CAMTA1: variants seen among roughly 807,000 people sequenced by gnomAD.
CAMTA1 encodes calmodulin-binding transcription activator 1.
Under a neutral mutation model 170.9 loss-of-function variants are expected in CAMTA1, and 27 were observed. The ratio of observed to expected loss-of-function variants is 0.16; its 90% CI spans 0.12 to 0.22. The LOEUF (loss-of-function observed/expected upper bound fraction) is 0.22. Ranked by LOEUF, CAMTA1 falls within the 10% of genes least tolerant of loss-of-function variation. The pLI is 1.00. For missense variants in CAMTA1, 1,619 were observed against 2,217.2 expected (o/e 0.73, Z 5.42); for synonymous variants, 833 against 891.5 (o/e 0.93, Z 1.17).
chr1:7,595,044 A>C (rs1330445236), intron 6 of CAMTA1, among the ~76,000 whole-genome samples: 1 of 152,220 alleles, frequency 6.6e-6, no homozygotes, highest in African/African-American at 2.4e-5. Flanking sequence ...CCAACATCTT[A>C]GGTCATGAGA....
chr1:7,387,129 C>T (rs553143873), intron 5 of CAMTA1, among the ~76,000 whole-genome samples: 4 of 152,060 alleles, frequency 2.6e-5, no homozygotes, highest in Non-Finnish European at 5.9e-5. Context: ...TGGCTTCAGT[C>T]TCCCCCCTCC....
intron 6 of CAMTA1, among the ~76,000 whole-genome samples, chr1:7,506,008 A>G (rs1279423527): frequency 6.6e-6 from 1 of 152,166 alleles, no homozygotes; most frequent in Middle Eastern, 3.2e-3. Context: ...AGCCAGTGGA[A>G]GGGGAGGCAG....
intron 5 of CAMTA1, among the ~76,000 whole-genome samples, chr1:7,349,966 G>A (rs1048546042): frequency 1.3e-5 from 2 of 152,176 alleles, no homozygotes; most frequent in East Asian, 1.9e-4. Context: ...CAGAAGGGAA[G>A]AGGGATGGGG....
rs1165621697 is a variant in CAMTA1, at chr1:7,249,548, T to C, written c.360T>C (p.Asp120=). The C allele has an allele frequency of 8.1e-6, 13 of 1,613,922 alleles. No homozygotes were observed. Among genetic ancestry groups the C allele is most frequent in the Non-Finnish European group, 1.0e-5 (12 of 1,179,958 alleles). Residue 120 remains aspartate (D), a synonymous_variant, in exon 5 of 23, where the codon GAT becomes GAC. Coordinates refer to ENST00000303635, the MANE Select transcript of CAMTA1 (RefSeq NM_015215.4). The surrounding 1 kb of genome is among the most constrained non-coding windows in gnomAD (Gnocchi z 4.4). ...GGAAGAAAGTGAAATACAGGAAAGA[T>C]GGGTATTGCTGGAAAAAGAGGAAAG... ...YNRKKVKYRK[D]GYCWKKRKDG...
chr1:7,554,699 G>A (rs78552027), intron 6 of CAMTA1, among the ~76,000 whole-genome samples: 6,376 of 152,078 alleles, frequency 0.042, 156 homozygotes, highest in African/African-American at 0.074. Context: ...TCTCCTTAGC[G>A]TCTGCCTTTG....
At chr1:7,652,367 CAGTTCCTCCCGTGGG>C (rs1012164246) in intron 7 of CAMTA1, among the ~76,000 whole-genome samples, 40 of 152,136 alleles carry the variant, frequency 2.6e-4, no homozygotes, top group African/African-American at 9.7e-4. Context: ...CCCTGCCTCC[CAGTTCCTCCCGTGGG>C]AGGCTCAAGG....
At chr1:6,939,438 A>G (rs1481206272) in intron 3 of CAMTA1, among the ~76,000 whole-genome samples, 1 of 152,240 alleles carries the variant, frequency 6.6e-6, no homozygotes, top group Non-Finnish European at 1.5e-5. Context: ...ATTTTCCAAT[A>G]GAAGGGAATC....
intron 6 of CAMTA1, among the ~76,000 whole-genome samples, chr1:7,488,762 A>G (rs1408611048): frequency 6.6e-6 from 1 of 152,200 alleles, no homozygotes; most frequent in Non-Finnish European, 1.5e-5. Context: ...ATACATGTAC[A>G]TATGCACATG....
chr1:7,348,583 C>T (rs113422204), intron 5 of CAMTA1, among the ~76,000 whole-genome samples: 1 of 152,224 alleles, frequency 6.6e-6, no homozygotes, highest in Non-Finnish European at 1.5e-5. Context: ...GTGGTCCCTG[C>T]AGGAGAACTT....
rs140251568 is a variant in CAMTA1 at position 7,275,865 on chromosome 1, T to C, written c.438+26239T>C. On this transcript the variant is annotated intron_variant, in intron 5 of 22. Transcript: ENST00000303635. ...GCTTACCAAACATTTTCAGAAAATA[T>C]AGGATGATAGAACACTTGTCAGGTC... 5.5e-4 allele frequency among the ~76,000 whole-genome samples: 84 copies of C among 152,196 alleles called. 2 individuals are homozygous for C. The East Asian group carries it at 0.013, about 23-fold the overall frequency.
intron 4 of CAMTA1, among the ~76,000 whole-genome samples, chr1:7,178,000 A>G (rs1281576216): frequency 2.0e-5 from 3 of 151,622 alleles, no homozygotes; most frequent in Non-Finnish European, 4.4e-5. Context: ...GGCTCCTCCT[A>G]CACACTGAGC....
At chr1:7,557,409 G>T (rs1273995005) in intron 6 of CAMTA1, among the ~76,000 whole-genome samples, 1 of 152,130 alleles carries the variant, frequency 6.6e-6, no homozygotes, top group Non-Finnish European at 1.5e-5. Context: ...CCCACCCTGA[G>T]CCTTCACTTC....
At chr1:6,877,770 A>G (rs899215580) in intron 3 of CAMTA1, among the ~76,000 whole-genome samples, 1 of 152,036 alleles carries the variant, frequency 6.6e-6, no homozygotes, top group Non-Finnish European at 1.5e-5. Context: ...CCTTTTGAGT[A>G]CTTTATACCT....
chr1:7,309,021 T>C (rs1460099937), intron 5 of CAMTA1, among the ~76,000 whole-genome samples: 1 of 152,222 alleles, frequency 6.6e-6, no homozygotes, highest in Middle Eastern at 3.2e-3. Context: ...TTTAGGATCA[T>C]TATGTCTCTT....
At position 7,682,776 on chromosome 1, in the gene CAMTA1, C is replaced by T. The variant is rs1029709139; in HGVS notation, c.2914+5043C>T. ...CTGCTGAGTGGGCCTGGGCCGGCCG[C>T]TCCTAGGCTGGCTCCCTCCCTCAGA... On this transcript the variant is annotated intron_variant, in intron 11 of 22. Coordinates refer to ENST00000303635, the MANE Select transcript of CAMTA1 (RefSeq NM_015215.4). This position sits in a 1 kb window ranked among gnomAD's most constrained non-coding sequence, Gnocchi z 5.0. Among the ~76,000 whole-genome samples, 1 of 152,230 alleles carries T rather than the reference C, an allele frequency of 6.6e-6. No individual in the cohort carries two copies. Among genetic ancestry groups the T allele is most frequent in the Non-Finnish European group, 1.5e-5 (1 of 68,036 alleles).
At chr1:7,469,235 C>A (rs1218132737) in intron 6 of CAMTA1, among the ~76,000 whole-genome samples, 5 of 152,142 alleles carry the variant, frequency 3.3e-5, no homozygotes, top group African/African-American at 1.2e-4. Context: ...ACCTGCTTTT[C>A]TAATTGCTCA....
intron 3 of CAMTA1, among the ~76,000 whole-genome samples, chr1:7,080,167 G>A (rs1057110096): frequency 2.6e-5 from 4 of 152,142 alleles, no homozygotes; most frequent in Admixed American, 1.3e-4. Flanking sequence ...TAGATTCATG[G>A]CACACATTAG....
chr1:7,121,729 C>T (rs534868256), intron 4 of CAMTA1, among the ~76,000 whole-genome samples: 10 of 152,268 alleles, frequency 6.6e-5, no homozygotes, highest in East Asian at 3.9e-4. Context: ...GCTGGCACGG[C>T]GAGTTCTGGC....
At position 7,622,843 on chromosome 1, in the gene CAMTA1, G is replaced by A. The variant is rs531639303; in HGVS notation, c.511-17557G>A. ...ATGTGGAGCCGCCATCATGGAACTC[G>A]GCCCTCACAGGCCATTGTCCTTGGC... On this transcript the variant is annotated intron_variant, in intron 6 of 22. Transcript: ENST00000303635. 2.0e-5 allele frequency among the ~76,000 whole-genome samples: 3 copies of A among 152,362 alleles called. No individual in the cohort carries two copies. In the East Asian group the frequency reaches 5.8e-4, roughly 29 times the overall value.
Sources: allele counts gnomAD v4.1 joint callset (sites outside exome capture counted in the v4.1 genomes callset), GRCh38; gene constraint gnomAD v4.1.1; non-coding constraint Gnocchi (gnomAD v3.1); transcripts MANE v1.5; gene names NCBI Gene and HGNC (gene_info 2026-07-23, HGNC 2026-07-21).